Variants in SLC16A5 observed in about 807,000 individuals in gnomAD.
SLC16A5 encodes solute carrier family 16 member 5, also known as monocarboxylate transporter 6.
Under a neutral mutation model 33.2 loss-of-function variants are expected in SLC16A5, and 29 were observed. The ratio of observed to expected loss-of-function variants is 0.87; its 90% CI spans 0.65 to 1.19. The LOEUF is 1.19. SLC16A5 is among the 50% of genes most tolerant of loss of function. SLC16A5 has a pLI of 0.00. For missense variants in SLC16A5, 606 were observed against 678.2 expected (o/e 0.89, Z 1.18); for synonymous variants, 248 against 284.1 (o/e 0.87, Z 1.28).
At position 75,093,665 on chromosome 17, in the gene SLC16A5, G is replaced by T; in HGVS notation, c.29G>T (p.Gly10Val). 1 of 1,613,300 alleles carries T rather than the reference G, an allele frequency of 6.2e-7. No homozygotes were observed. The highest frequency in any genetic ancestry group is 8.5e-7 in the Non-Finnish European group (1 of 1,179,966). Reference protein sequence around the residue: MPQALERADGSWAWVVLLAT... With the variant: MPQALERADVSWAWVVLLAT... ...CCCCAGGCCCTGGAGCGTGCAGATG[G>T]CAGCTGGGCCTGGGTGGTGCTGCTG... is the stretch of plus-strand genomic sequence containing the variant. The change falls in exon 3 of 7, where the codon GGC (glycine) becomes GTC (valine). Residue 10 changes from glycine to valine, a missense_variant. By Grantham distance (109) the Gly-to-Val change is moderately radical. Coordinates refer to ENST00000329783, the MANE Select transcript of SLC16A5 (RefSeq NM_004695.4).
At chr17:75,092,120 A>G (rs12943927) in intron 2 of SLC16A5, among the ~76,000 whole-genome samples, 116,334 of 151,728 alleles carry the variant, frequency 0.77, 45,211 homozygotes, top group African/African-American at 0.84. Context: ...TGTGACTCTG[A>G]GCATGTATGC....
At position 75,092,768 on chromosome 17, in the gene SLC16A5, G is replaced by A. The variant is rs565502092; in HGVS notation, c.-48-821G>A. On this transcript the variant is annotated intron_variant, in intron 2 of 6. Coordinates refer to ENST00000329783, the MANE Select transcript of SLC16A5 (RefSeq NM_004695.4). ...TCTGTGCTTGTCTGTGTGAGTGTGC[G>A]CTGTGACTGTGTTTGTGTGTGACTG... 2.8e-4 allele frequency among the ~76,000 whole-genome samples: 42 copies of A among 151,714 alleles called. 1 individual carries two copies. The South Asian group carries it at 6.1e-3, about 22-fold the overall frequency.
In SLC16A5 at chr17:75,093,575, TG is replaced by T. The variant is rs201800454; in HGVS notation, c.-48-13del. ...GCCTGCTGACCACCAGGCTCCATTC[TG>T]TCCCCTCCCCAGGCAGCAGCCACAT... On this transcript the variant is annotated splice_polypyrimidine_tract_variant and intron_variant, in intron 2 of 6. Transcript: ENST00000329783. 1.9e-6 allele frequency: 3 copies of T among 1,563,294 alleles called. No individual in the cohort carries two copies. Among genetic ancestry groups the T allele is most frequent in the African/African-American group, 1.4e-5 (1 of 74,060 alleles).
rs569252011 is a variant in SLC16A5 at position 75,104,871 on chromosome 17, A to G, written c.1364+691A>G. ...TCTGAGCCCTGCTCAGGTTTGTCCCAGCCGGCTCAGCGCAGCTGGCTGTGT... is the reference window on the plus strand; with the variant it reads ...TCTGAGCCCTGCTCAGGTTTGTCCCGGCCGGCTCAGCGCAGCTGGCTGTGT... On this transcript the variant is annotated intron_variant, in intron 6 of 6. Coordinates refer to ENST00000329783, the MANE Select transcript of SLC16A5 (RefSeq NM_004695.4). The G allele has an allele frequency of 1.5e-4, 146 of 985,448 alleles. No individual in the cohort carries two copies. In the Middle Eastern group the frequency reaches 1.6e-3, roughly 11 times the overall value. The allele number at this position is 985,448 out of a possible 1,614,324, so 61.0% of individuals were successfully genotyped here. A position where few individuals can be genotyped will look rare whatever the true frequency, so the allele number is the denominator to read the frequency against.
At chr17:75,103,930 G>A (rs2073830474) in intron 5 of SLC16A5, 40 bp from the exon 6 acceptor site, 4 of 1,580,142 alleles carry the variant, frequency 2.5e-6, no homozygotes, top group African/African-American at 1.3e-5. Flanking sequence ...GTTGGGGGGA[G>A]GCCTGGTAGC....
At chr17:75,093,427 A>G (rs748639586) in intron 2 of SLC16A5, 162 bp from the exon 3 acceptor site, 1 of 1,535,910 alleles carries the variant, frequency 6.5e-7, no homozygotes, top group South Asian at 1.2e-5. Flanking sequence ...GCCAAGGCCA[A>G]CGCGTGGGCC....
At chr17:75,108,704 G>GA (rs1180181261), downstream of SLC16A5, among the ~76,000 whole-genome samples, 1 of 152,074 alleles carries the variant, frequency 6.6e-6, no homozygotes, top group Non-Finnish European at 1.5e-5. Context: ...GGCTTTAAGG[G>GA]AAAAAATAGG....
chr17:75,097,179 C>T (rs1259541826), intron 3 of SLC16A5, among the ~76,000 whole-genome samples: 4 of 152,018 alleles, frequency 2.6e-5, no homozygotes, highest in Non-Finnish European at 4.4e-5. Context: ...CCCCCTCCAC[C>T]GCAGACACAC....
At chr17:75,102,947 G>A (rs1568009218) in intron 5 of SLC16A5, among the ~76,000 whole-genome samples, 1 of 151,626 alleles carries the variant, frequency 6.6e-6, no homozygotes, top group Non-Finnish European at 1.5e-5. Flanking sequence ...CTGGAGTGCA[G>A]TGGCGTGATC....
Position 75,100,614 on chromosome 17 carries a change from C to T in SLC16A5, c.951C>T (p.Leu317=). 1 of 1,614,228 alleles carries T rather than the reference C, an allele frequency of 6.2e-7. No individual in the cohort carries two copies. ...LFSLALLLNG[L]TNLVCAASGD... is the part of the protein sequence containing the mutation. ...GCCTGGCACTCCTGCTCAATGGGCT[C>T]ACTAACCTGGTGTGTGCGGCATCAG... Residue 317 remains leucine (L), a synonymous_variant, in exon 5 of 7, where the codon CTC becomes CTT. Transcript: ENST00000329783.
intron 3 of SLC16A5, among the ~76,000 whole-genome samples, chr17:75,097,049 C>T (rs1308065466): frequency 6.6e-6 from 1 of 151,698 alleles, no homozygotes; most frequent in Non-Finnish European, 1.5e-5. Context: ...TGGTCTCGAA[C>T]TCCTGACCTT....
rs1343828510 is a variant in SLC16A5, at chr17:75,088,023, T to C, written c.-224T>C. The C allele has an allele frequency of 2.0e-5, 3 of 152,294 alleles. No individual in the cohort carries two copies. The highest frequency in any genetic ancestry group is 4.4e-5 in the Non-Finnish European group (3 of 68,202). 9.4% of individuals were successfully genotyped at this position (152,294 alleles called of 1,614,324 possible). On this transcript the variant is annotated 5_prime_UTR_variant, in exon 1 of 7. Coordinates refer to ENST00000329783, the MANE Select transcript of SLC16A5 (RefSeq NM_004695.4). ...GCGCTCGGGGGAGCTGAGCCACCTC[T>C]CCGCCAGGCCCGTGCGAGCGGGTGA...
chr17:75,100,894 C>A, intron 5 of SLC16A5, 78 bp downstream of exon 5: 2 of 1,332,998 alleles, frequency 1.5e-6, no homozygotes, highest in Non-Finnish European at 2.0e-6. Flanking sequence ...CCCAGTCCAG[C>A]ATCTCCAGAG....
At chr17:75,097,215 C>T (rs1212922971) in intron 3 of SLC16A5, among the ~76,000 whole-genome samples, 1 of 152,126 alleles carries the variant, frequency 6.6e-6, no homozygotes, top group Non-Finnish European at 1.5e-5. Flanking sequence ...GCACACACTT[C>T]CCTGTCCCTT....
downstream of SLC16A5, chr17:75,106,222 C>A: frequency 9.4e-6 from 4 of 423,522 alleles, no homozygotes; most frequent in Non-Finnish European, 1.7e-5. Flanking sequence ...ACTCGGTGAG[C>A]ATCCTGACGA....
chr17:75,105,838 C>G, intron 6 of SLC16A5, 42 bp from the exon 7 acceptor site: 1 of 1,518,672 alleles, frequency 6.6e-7, no homozygotes, highest in Non-Finnish European at 8.9e-7. Context: ...CAACCAGGCT[C>G]CGCAAGAAAA....
intron 4 of SLC16A5, 108 bp from the exon 5 acceptor site, chr17:75,099,899 C>T (rs959354615): frequency 1.9e-6 from 2 of 1,068,070 alleles, no homozygotes; most frequent in Non-Finnish European, 2.7e-6. Context: ...TGGGTATGGA[C>T]TAGAACCAGA....
At chr17:75,099,526 C>G (rs2073762458) in intron 4 of SLC16A5, among the ~76,000 whole-genome samples, 1 of 152,194 alleles carries the variant, frequency 6.6e-6, no homozygotes, top group South Asian at 2.1e-4. Context: ...ACTGCAACCT[C>G]CACTTCCCGG....
At chr17:75,110,032 A>G (rs1372251059), downstream of SLC16A5, 1 of 465,798 alleles carries the variant, frequency 2.1e-6, no homozygotes, top group Non-Finnish European at 3.8e-6. Flanking sequence ...CAACCAGTAG[A>G]CGGTTCCCTG....
Sources: allele counts gnomAD v4.1 joint callset (sites outside exome capture counted in the v4.1 genomes callset), GRCh38; gene constraint gnomAD v4.1.1; transcripts MANE v1.5; gene names NCBI Gene and HGNC (gene_info 2026-07-23, HGNC 2026-07-21).